Variants in NELL2 observed in about 807,000 individuals in gnomAD.
NELL2 encodes protein kinase C-binding protein NELL2.
NELL2 carries 41 observed loss-of-function variants against 109.6 expected under a neutral mutation model. That is an observed-to-expected ratio of 0.37 (90% CI 0.29 to 0.49). The LOEUF is 0.49. Among genes scored for constraint, NELL2 ranks in the 20% least tolerant of loss-of-function variants. The probability of loss-of-function intolerance (pLI) is 0.98; values close to 1 mark genes in which losing one functional copy is unlikely to be tolerated. For missense variants in NELL2, 900 were observed against 1,008.3 expected (o/e 0.89, Z 1.45); for synonymous variants, 355 against 344.7 (o/e 1.03, Z -0.33).
chr12:44,909,484 G>A (rs965148631), intron 1 of NELL2, among the ~76,000 whole-genome samples: 5 of 151,458 alleles, frequency 3.3e-5, no homozygotes, highest in African/African-American at 1.2e-4. Flanking sequence ...ACTATTGGAA[G>A]AACCACAATC....
At chr12:44,609,758 C>T (rs1365403873) in intron 14 of NELL2, among the ~76,000 whole-genome samples, 1 of 151,884 alleles carries the variant, frequency 6.6e-6, no homozygotes, top group African/African-American at 2.4e-5. Context: ...TTTTGTAGAC[C>T]AGGCCTTAAG....
chr12:44,914,657 A>G (rs1333591058), upstream of NELL2, among the ~76,000 whole-genome samples: 1 of 152,108 alleles, frequency 6.6e-6, no homozygotes, highest in East Asian at 1.9e-4. Context: ...TATTCCCACA[A>G]CCTAGAAGAG....
chr12:44,760,932 AG>A (rs1424663883), intron 9 of NELL2, among the ~76,000 whole-genome samples: 1 of 152,236 alleles, frequency 6.6e-6, no homozygotes, highest in Non-Finnish European at 1.5e-5. Context: ...GAAAAACAAA[AG>A]AAACATTATG....
intron 13 of NELL2, among the ~76,000 whole-genome samples, chr12:44,625,913 A>T (rs1275042809): frequency 6.6e-6 from 1 of 152,140 alleles, no homozygotes; most frequent in African/African-American, 2.4e-5. Flanking sequence ...TCTTCTGTGA[A>T]TATTATGGAC....
chr12:44,821,625 G>C (rs1943545405), intron 2 of NELL2, among the ~76,000 whole-genome samples: 1 of 152,016 alleles, frequency 6.6e-6, no homozygotes, highest in Admixed American at 6.6e-5. Context: ...ATTATGATAA[G>C]ACCTAATTCT....
intron 12 of NELL2, among the ~76,000 whole-genome samples, chr12:44,687,501 C>A (rs1022552245): frequency 3.3e-5 from 5 of 152,248 alleles, no homozygotes; most frequent in African/African-American, 1.2e-4. Flanking sequence ...CAAGCTTCCA[C>A]TTCCTATCTC....
chr12:44,693,852 C>G (rs1242918961), intron 12 of NELL2, among the ~76,000 whole-genome samples: 4 of 152,108 alleles, frequency 2.6e-5, no homozygotes, highest in African/African-American at 9.7e-5. Context: ...CCATTATTTC[C>G]TCAGTATTGT....
intron 10 of NELL2, among the ~76,000 whole-genome samples, chr12:44,714,215 G>A (rs755893444): frequency 1.1e-4 from 16 of 151,970 alleles, no homozygotes; most frequent in Non-Finnish European, 2.1e-4. Context: ...AAGGGAATTA[G>A]ATAAATATCA....
At chr12:44,592,132 G>C (rs566330230) in intron 15 of NELL2, among the ~76,000 whole-genome samples, 35 of 152,250 alleles carry the variant, frequency 2.3e-4, no homozygotes, top group African/African-American at 6.3e-4. Flanking sequence ...CCAAATGCTA[G>C]CTGTGTGACC....
chr12:44,596,264 CAA>C (rs1421898600), intron 15 of NELL2, among the ~76,000 whole-genome samples: 1 of 152,192 alleles, frequency 6.6e-6, no homozygotes, highest in Non-Finnish European at 1.5e-5. Flanking sequence ...CCATATTCCA[CAA>C]AGTTTACTGC....
chr12:44,729,825 G>C (rs2136470832), intron 9 of NELL2, among the ~76,000 whole-genome samples: 1 of 151,824 alleles, frequency 6.6e-6, no homozygotes, highest in South Asian at 2.1e-4. Flanking sequence ...ATGGAGTCTT[G>C]CTCTGTCTCC....
intron 18 of NELL2, among the ~76,000 whole-genome samples, chr12:44,521,517 G>A (rs1298761079): frequency 4.8e-5 from 6 of 125,488 alleles, no homozygotes; most frequent in South Asian, 2.5e-4. Context: ...GCGACAGAGC[G>A]AGACTCCGTC....
intron 1 of NELL2, among the ~76,000 whole-genome samples, chr12:44,903,673 C>T (rs1157637312): frequency 6.6e-6 from 1 of 151,958 alleles, no homozygotes; most frequent in Non-Finnish European, 1.5e-5. Context: ...ATAAGGAAAA[C>T]GTGGCACATA....
intron 12 of NELL2, among the ~76,000 whole-genome samples, chr12:44,684,393 A>C (rs1462580880): frequency 6.6e-6 from 1 of 152,012 alleles, no homozygotes; most frequent in South Asian, 2.1e-4. Flanking sequence ...AATTTTTTGA[A>C]GGGTTTTTTG....
chr12:44,557,577 G>T (rs1943304845), intron 15 of NELL2, among the ~76,000 whole-genome samples: 1 of 152,134 alleles, frequency 6.6e-6, no homozygotes, highest in South Asian at 2.1e-4. Context: ...TCAACTGAAG[G>T]TAATGGAGAA....
At chr12:44,723,961 T>C (rs1236950596) in intron 9 of NELL2, among the ~76,000 whole-genome samples, 1 of 152,022 alleles carries the variant, frequency 6.6e-6, no homozygotes, top group Non-Finnish European at 1.5e-5. Context: ...TGCAGCACTA[T>C]TCACGATAGC....
At chr12:44,689,298 G>T (rs944140427) in intron 12 of NELL2, among the ~76,000 whole-genome samples, 2 of 152,098 alleles carry the variant, frequency 1.3e-5, no homozygotes, top group African/African-American at 2.4e-5. Flanking sequence ...TATATAAAAT[G>T]CTTTAGCTAC....
intron 13 of NELL2, among the ~76,000 whole-genome samples, chr12:44,626,196 C>T (rs1321066652): frequency 1.3e-5 from 2 of 152,094 alleles, no homozygotes; most frequent in African/African-American, 4.8e-5. Flanking sequence ...TAAAACAGAT[C>T]ATGACATTTG....
chr12:44,680,265 A>G (rs183346807), intron 12 of NELL2, among the ~76,000 whole-genome samples: 181 of 152,234 alleles, frequency 1.2e-3, no homozygotes, highest in African/African-American at 4.2e-3. Context: ...CACTGACTGG[A>G]TTGCATTGTT....
Sources: allele counts gnomAD v4.1 joint callset (sites outside exome capture counted in the v4.1 genomes callset), GRCh38; gene constraint gnomAD v4.1.1; transcripts MANE v1.5; gene names NCBI Gene and HGNC (gene_info 2026-07-23, HGNC 2026-07-21).